TRIP12: variants seen among roughly 807,000 people sequenced by gnomAD.
TRIP12 encodes E3 ubiquitin-protein ligase TRIP12.
TRIP12 carries 25 observed loss-of-function variants against 244.2 expected under a neutral mutation model. That is an observed-to-expected ratio of 0.10 (90% CI 0.07 to 0.14). The LOEUF is 0.14. Among genes scored for constraint, TRIP12 ranks in the 10% least tolerant of loss-of-function variants. The pLI, the probability that TRIP12 is intolerant of heterozygous loss-of-function variation, is 1.00. For synonymous variants in TRIP12, 905 were observed against 873.1 expected (o/e 1.04, Z -0.64); for missense variants, 1,677 against 2,486.4 (o/e 0.67, Z 6.92).
intron 19 of TRIP12, 140 bp from the exon 20 acceptor site, chr2:229,803,829 GT>G: frequency 1.2e-6 from 1 of 853,772 alleles, no homozygotes; most frequent in East Asian, 2.7e-5. Flanking sequence ...AAATGCTCAA[GT>G]TTTATATTTT....
chr2:229,775,575 G>T (rs746148233), intron 37 of TRIP12, among the ~76,000 whole-genome samples: 8 of 151,178 alleles, frequency 5.3e-5, no homozygotes, highest in Non-Finnish European at 1.0e-4. Flanking sequence ...GTTGTTATTA[G>T]ATAGGAATCT....
rs768031395 is a variant in TRIP12 at position 229,766,395 on chromosome 2, CT to C, written c.*1158del. On this transcript the variant is annotated 3_prime_UTR_variant, in exon 42 of 42. Transcript: ENST00000675903. ...TAAACAAAAAGGTGAAGCAAACTTT[CT>C]TTATTTTCAGGTAAAAACATTAACC... 2.0e-5 allele frequency: 3 copies of C among 151,774 alleles called. No individual in the cohort carries two copies. The highest frequency in any genetic ancestry group is 2.9e-5 in the Non-Finnish European group (2 of 67,988). The allele number at this position is 151,774 out of a possible 1,614,324, so 9.4% of individuals were successfully genotyped here.
At chr2:229,875,445 G>T (rs2063413698) in intron 2 of TRIP12, among the ~76,000 whole-genome samples, 2 of 152,186 alleles carry the variant, frequency 1.3e-5, no homozygotes, top group Admixed American at 1.3e-4. Flanking sequence ...AGAGAAAAGT[G>T]CTACTTAAAT....
chr2:229,859,069 T>C lies in TRIP12; in HGVS notation c.730A>G (p.Thr244Ala), dbSNP rs150360606. 209 of 1,614,026 alleles carry C rather than the reference T, an allele frequency of 1.3e-4. No homozygotes were observed. The highest frequency in any genetic ancestry group is 1.7e-4 in the Non-Finnish European group (197 of 1,180,016). Residue 244 changes from threonine to alanine, a missense_variant, in exon 4 of 42, where the codon ACT (threonine) becomes GCT (alanine). Physicochemically the swap from Thr to Ala is moderately conservative, Grantham distance 58. Transcript: ENST00000675903. Reference protein sequence around the residue: ...TITDSSSAASTSSSSSAVASA... With the variant: ...TITDSSSAASASSSSSAVASA... ...GCTACAGCAGAAGACGAGGAGGAAG[T>C]AGAGGCAGCAGAAGAAGAATCAGTG...
At chr2:229,777,727 CT>C (rs2036732873) in intron 36 of TRIP12, among the ~76,000 whole-genome samples, 1 of 152,178 alleles carries the variant, frequency 6.6e-6, no homozygotes. Context: ...AGGGAAAAAA[CT>C]TACTATATTT....
rs1167568492 is a variant in TRIP12, at chr2:229,793,072, G to A, written c.4042C>T (p.His1348Tyr). ...THQLKCQLQR[H>Y]PDCANVKQWK... ...TGCTTCACATTTGCACAGTCTGGATGCCTTTGTAACTGGCATTTTAATTGA... is the reference window on the plus strand; with the variant it reads ...TGCTTCACATTTGCACAGTCTGGATACCTTTGTAACTGGCATTTTAATTGA... Residue 1348 changes from histidine (H) to tyrosine (Y), a missense_variant, in exon 27 of 42, where the codon CAT (histidine) becomes TAT (tyrosine). This residue lies in a region of TRIP12 where 265 missense variants were observed against 370.8 expected (regional missense o/e 0.71). Coordinates refer to ENST00000675903, the MANE Select transcript of TRIP12 (RefSeq NM_001348323.3). 2 of 1,613,862 alleles carry A rather than the reference G, an allele frequency of 1.2e-6. No individual in the cohort carries two copies. Among genetic ancestry groups the A allele is most frequent in the Non-Finnish European group, 1.7e-6 (2 of 1,179,894 alleles).
At chr2:229,920,491 T>C (rs765112449) in intron 1 of TRIP12, among the ~76,000 whole-genome samples, 10 of 152,020 alleles carry the variant, frequency 6.6e-5, no homozygotes, top group Non-Finnish European at 1.3e-4. Context: ...GCCCAACCTT[T>C]ACACACAAAC....
intron 4 of TRIP12, among the ~76,000 whole-genome samples, chr2:229,855,054 A>T (rs1416660070): frequency 6.6e-6 from 1 of 152,206 alleles, no homozygotes; most frequent in Non-Finnish European, 1.5e-5. Flanking sequence ...ACTTGAGGTC[A>T]GGCATTCAAG....
chr2:229,771,598 G>A lies in TRIP12; in HGVS notation c.5729C>T (p.Ser1910Phe). The A allele has an allele frequency of 1.2e-6, 2 of 1,614,032 alleles. No individual in the cohort carries two copies. Among genetic ancestry groups the A allele is most frequent in the Non-Finnish European group, 1.7e-6 (2 of 1,179,936 alleles). ...VIFWALNEGV[S>F]RQFDSFRDGF... ...ATCTCTGAACGAATCAAATTGCCTAGAAACGCCTTCATTTAGTGCCCAGAA... is the reference window on the plus strand; with the variant it reads ...ATCTCTGAACGAATCAAATTGCCTAAAAACGCCTTCATTTAGTGCCCAGAA... Residue 1910 changes from serine (S) to phenylalanine (F), a missense_variant, in exon 39 of 42, where the codon TCT becomes TTT. Coordinates refer to ENST00000675903, the MANE Select transcript of TRIP12 (RefSeq NM_001348323.3).
chr2:229,846,346 A>G (rs1022099561), intron 4 of TRIP12, among the ~76,000 whole-genome samples: 1 of 152,204 alleles, frequency 6.6e-6, no homozygotes, highest in Non-Finnish European at 1.5e-5. Context: ...ATCAGTCAAC[A>G]TCTATCAACA....
At chr2:229,785,145 T>C (rs2039596697) in intron 34 of TRIP12, among the ~76,000 whole-genome samples, 1 of 152,202 alleles carries the variant, frequency 6.6e-6, no homozygotes, top group Admixed American at 6.5e-5. Context: ...ACATGCAACA[T>C]GGATGAATCT....
At chr2:229,874,175 A>G (rs1459306559) in intron 2 of TRIP12, among the ~76,000 whole-genome samples, 1 of 152,190 alleles carries the variant, frequency 6.6e-6, no homozygotes, top group South Asian at 2.1e-4. Context: ...CTCAGAAAAT[A>G]AATGAAAATG....
intron 2 of TRIP12, among the ~76,000 whole-genome samples, chr2:229,871,489 T>C (rs1488780414): frequency 6.6e-6 from 1 of 152,134 alleles, no homozygotes; most frequent in Non-Finnish European, 1.5e-5. Context: ...ACTTGAGATC[T>C]GGTTGTTTAC....
chr2:229,847,954 G>A (rs975808614), intron 4 of TRIP12, among the ~76,000 whole-genome samples: 1 of 152,142 alleles, frequency 6.6e-6, no homozygotes, highest in Non-Finnish European at 1.5e-5. Flanking sequence ...CAGACATACT[G>A]TCTGACAATA....
Position 229,793,064 on chromosome 2 carries a change from G to T in TRIP12, c.4050C>A (p.Asp1350Glu). ...CCTTCCACTGCTTCACATTTGCACA[G>T]TCTGGATGCCTTTGTAACTGGCATT... ...QLKCQLQRHP[D>E]CANVKQWKGG... The change falls in exon 27 of 42, where the codon GAC (aspartate) becomes GAA (glutamate). Residue 1350 changes from aspartate to glutamate, a missense_variant. Transcript: ENST00000675903. 6.2e-7 allele frequency: 1 copy of T among 1,613,944 alleles called. No individual in the cohort carries two copies. Among genetic ancestry groups the T allele is most frequent in the Admixed American group, 1.7e-5 (1 of 60,012 alleles).
At chr2:229,792,579 A>T (rs1301439647) in intron 27 of TRIP12, among the ~76,000 whole-genome samples, 2 of 152,202 alleles carry the variant, frequency 1.3e-5, no homozygotes, top group African/African-American at 2.4e-5. Flanking sequence ...TCAGGTGTGG[A>T]GTCTTCCACT....
At chr2:229,858,681 G>GA (rs1185065299) in intron 4 of TRIP12, 91 bp downstream of exon 4, 11 of 1,153,370 alleles carry the variant, frequency 9.5e-6, no homozygotes, top group African/African-American at 3.1e-5. Context: ...AGACTGGGGG[G>GA]AAAAAACCCT....
chr2:229,791,292 GA>G (rs778772573), intron 29 of TRIP12, 41 bp from the exon 30 acceptor site: 19 of 1,609,468 alleles, frequency 1.2e-5, no homozygotes, highest in African/African-American at 2.7e-5. Flanking sequence ...TGTAGATTTT[GA>G]AACTGATACA....
intron 1 of TRIP12, chr2:229,894,288 A>C (rs537304131): frequency 5.3e-5 from 8 of 152,310 alleles, no homozygotes; most frequent in African/African-American, 1.9e-4. Context: ...CGACTTTCCA[A>C]ACCCAAAATA....
Sources: allele counts gnomAD v4.1 joint callset (sites outside exome capture counted in the v4.1 genomes callset), GRCh38; gene constraint gnomAD v4.1.1; regional missense constraint gnomAD v4.1.1; transcripts MANE v1.5; gene names NCBI Gene and HGNC (gene_info 2026-07-23, HGNC 2026-07-21).